Variants in XYLB observed in about 807,000 individuals in gnomAD.
The protein encoded by XYLB is xylulose kinase.
XYLB carries 62 observed loss-of-function variants against 78.7 expected under a neutral mutation model. That is an observed-to-expected ratio of 0.79 (90% CI 0.64 to 0.97). The LOEUF (loss-of-function observed/expected upper bound fraction) is 0.97, where lower values mean the gene tolerates loss of function less well. Among genes scored for constraint, XYLB ranks in the 50% least tolerant of loss-of-function variants. The pLI, the probability that XYLB is intolerant of heterozygous loss-of-function variation, is 0.00. For missense variants in XYLB, 687 were observed against 676.8 expected (o/e 1.02, Z -0.17); for synonymous variants, 245 against 247.4 (o/e 0.99, Z 0.09).
At chr3:38,447,252 T>G in the XYLB span, among the ~76,000 whole-genome samples, 1 of 152,158 alleles carries the variant, frequency 6.6e-6, no homozygotes, top group African/African-American at 2.4e-5. Context: ...TGGCTACTAT[T>G]ATAAAGACAA....
At chr3:38,366,421 C>T (rs886708567) in intron 6 of XYLB, among the ~76,000 whole-genome samples, 1 of 152,326 alleles carries the variant, frequency 6.6e-6, no homozygotes, top group East Asian at 1.9e-4. Context: ...AAGTTACTCA[C>T]TTCTCTATCC....
At chr3:38,410,358 C>T (rs1298677470) in intron 18 of XYLB, among the ~76,000 whole-genome samples, 2 of 152,204 alleles carry the variant, frequency 1.3e-5, no homozygotes, top group Non-Finnish European at 2.9e-5. Context: ...TGGATCCCTT[C>T]CTTACACCTT....
rs940275013 is a variant in XYLB, at chr3:38,376,833, A to G, written c.1121-85A>G. 8.3e-6 allele frequency: 10 copies of G among 1,206,800 alleles called. No homozygotes were observed. The Admixed American group carries it at 1.3e-4, about 16-fold the overall frequency. 74.8% of individuals were successfully genotyped at this position (1,206,800 alleles called of 1,614,324 possible). A position where few individuals can be genotyped will look rare whatever the true frequency, so the allele number is the denominator to read the frequency against. On this transcript the variant is annotated intron_variant, in intron 13 of 18. Transcript: ENST00000207870. Reference sequence around the variant, plus strand: ...CCAGGGGACCCAGGGATATGGGGTCATTTTGTCCTGTTCTAAGTCTGTTAA... The same window carrying G: ...CCAGGGGACCCAGGGATATGGGGTCGTTTTGTCCTGTTCTAAGTCTGTTAA...
At chr3:38,443,158 C>T in the XYLB span, among the ~76,000 whole-genome samples, 80 of 152,234 alleles carry the variant, frequency 5.3e-4, no homozygotes, top group African/African-American at 1.5e-3. Flanking sequence ...TGAGGACAGC[C>T]GACCAGGGCA....
intron 10 of XYLB, among the ~76,000 whole-genome samples, chr3:38,374,245 A>G (rs1295090829): frequency 6.6e-6 from 1 of 151,506 alleles, no homozygotes; most frequent in African/African-American, 2.4e-5. Flanking sequence ...CACAGCTCAA[A>G]TCAGCGGCCC....
At chr3:38,396,075 G>T (rs1707858860) in intron 16 of XYLB, among the ~76,000 whole-genome samples, 1 of 152,200 alleles carries the variant, frequency 6.6e-6, no homozygotes, top group South Asian at 2.1e-4. Context: ...TGGAGACATT[G>T]TGCATTTTTG....
In XYLB at chr3:38,365,619, C is replaced by T; in HGVS notation, c.390C>T (p.Ser130=). 6.2e-7 allele frequency: 1 copy of T among 1,612,294 alleles called. No homozygotes were observed. The highest frequency in any genetic ancestry group is 8.5e-7 in the Non-Finnish European group (1 of 1,178,796). Residue 130 remains serine, a synonymous_variant, in exon 6 of 19, where the codon TCC becomes TCT. Coordinates refer to ENST00000207870, the MANE Select transcript of XYLB (RefSeq NM_005108.4). Reference sequence around the variant, plus strand: ...GCCCTCCTTCCCAGGACTGTTTCTCCATCAGCGACTGCCCGGTGTGGATGG... The same window carrying T: ...GCCCTCCTTCCCAGGACTGTTTCTCTATCAGCGACTGCCCGGTGTGGATGG... ...RLHQQLQDCF[S]ISDCPVWMDS...
chr3:38,389,534 C>T (rs1419097226), intron 15 of XYLB, among the ~76,000 whole-genome samples: 1 of 151,832 alleles, frequency 6.6e-6, no homozygotes, highest in Non-Finnish European at 1.5e-5. Flanking sequence ...GGCAGAGGCA[C>T]CCCCCACCTC....
chr3:38,401,759 G>A (rs570950554), intron 18 of XYLB, among the ~76,000 whole-genome samples: 1 of 152,208 alleles, frequency 6.6e-6, no homozygotes, highest in African/African-American at 2.4e-5. Flanking sequence ...TCTGCCAACA[G>A]CACTCCCATC....
downstream of XYLB, among the ~76,000 whole-genome samples, chr3:38,416,891 CCCT>C (rs1459391910): frequency 6.6e-6 from 1 of 152,194 alleles, no homozygotes; most frequent in Admixed American, 6.5e-5. Context: ...CTTTCTCTCT[CCCT>C]CCTTTTTCAT....
intron 16 of XYLB, among the ~76,000 whole-genome samples, chr3:38,395,946 C>T (rs1559609217): frequency 6.6e-6 from 1 of 152,224 alleles, no homozygotes; most frequent in Non-Finnish European, 1.5e-5. Context: ...AACACAGTTG[C>T]CAGACTGTTA....
chr3:38,355,603 C>T, intron 2 of XYLB: 1 of 597,862 alleles, frequency 1.7e-6, no homozygotes, highest in Non-Finnish European at 3.0e-6. Context: ...TCCTGCCTTC[C>T]TTGTAGTTAT....
At chr3:38,409,559 A>C (rs1354291061) in intron 18 of XYLB, among the ~76,000 whole-genome samples, 4 of 152,210 alleles carry the variant, frequency 2.6e-5, no homozygotes, top group African/African-American at 9.6e-5. Context: ...GGAGAAGGAA[A>C]TAAAGGGTAC....
chr3:38,401,960 TG>T (rs1708140149), intron 18 of XYLB, among the ~76,000 whole-genome samples: 1 of 152,122 alleles, frequency 6.6e-6, no homozygotes, highest in African/African-American at 2.4e-5. Flanking sequence ...GCCACCATTT[TG>T]TAGCGGCAGG....
intron 3 of XYLB, among the ~76,000 whole-genome samples, chr3:38,361,063 A>G (rs1705942379): frequency 6.6e-6 from 1 of 152,118 alleles, no homozygotes; most frequent in African/African-American, 2.4e-5. Context: ...AGAAATACAA[A>G]CATAGCCCTT....
At chr3:38,446,585 A>G in the XYLB span, among the ~76,000 whole-genome samples, 6 of 152,200 alleles carry the variant, frequency 3.9e-5, no homozygotes, top group Non-Finnish European at 7.4e-5. Context: ...AGACCAATGG[A>G]ACAGAATAGA....
At chr3:38,353,050 C>T (rs541230516) in intron 2 of XYLB, among the ~76,000 whole-genome samples, 40 of 152,118 alleles carry the variant, frequency 2.6e-4, no homozygotes, top group African/African-American at 9.4e-4. Flanking sequence ...CTATTATTGC[C>T]ACGCACAGAT....
chr3:38,382,720 G>A (rs1405625561), intron 15 of XYLB, among the ~76,000 whole-genome samples: 2 of 152,194 alleles, frequency 1.3e-5, no homozygotes, highest in South Asian at 2.1e-4. Flanking sequence ...CCCAGGGAAC[G>A]GAACAGCCCA....
rs1708709132 is a variant in XYLB, at chr3:38,414,113, G to A, written c.*1100G>A. 1 of 152,146 alleles carries A rather than the reference G, an allele frequency of 6.6e-6. No homozygotes were observed. The highest frequency in any genetic ancestry group is 2.1e-4 in the South Asian group (1 of 4,824). The allele number at this position is 152,146 out of a possible 1,614,324, so 9.4% of individuals were successfully genotyped here. On this transcript the variant is annotated 3_prime_UTR_variant, in exon 19 of 19. Coordinates refer to ENST00000207870, the MANE Select transcript of XYLB (RefSeq NM_005108.4). Reference sequence around the variant, plus strand: ...CCTGCAGACTCTTCCAGATTTTTCTGCCCAAGGCCTTTACTGAGCTCAGGA... The same window carrying A: ...CCTGCAGACTCTTCCAGATTTTTCTACCCAAGGCCTTTACTGAGCTCAGGA...
Sources: gnomAD v4.1 joint callset for allele counts (sites outside exome capture counted in the v4.1 genomes callset) on GRCh38, gnomAD v4.1.1 for gene constraint, MANE v1.5 for transcripts, NCBI Gene and HGNC (gene_info 2026-07-23, HGNC 2026-07-21) for gene names.